Variants in UMODL1 observed in about 807,000 individuals in gnomAD.
UMODL1 encodes the protein uromodulin like 1, also known as uromodulin-like 1.
Under a neutral mutation model 136.3 loss-of-function variants are expected in UMODL1, and 128 were observed. That is an observed-to-expected ratio of 0.94 (90% CI 0.81 to 1.09). The LOEUF (loss-of-function observed/expected upper bound fraction) is 1.09, where lower values mean the gene tolerates loss of function less well. Ranked by LOEUF, UMODL1 falls within the 50% of genes least tolerant of loss-of-function variation. The pLI is 0.00. For missense variants in UMODL1, 1,766 were observed against 1,725.6 expected (o/e 1.02, Z -0.41); for synonymous variants, 721 against 720.0 (o/e 1.00, Z -0.02).
At chr21:42,104,181 A>G (rs2066681417) in intron 9 of UMODL1, 94 bp downstream of exon 9, 1 of 1,317,696 alleles carries the variant, frequency 7.6e-7, no homozygotes, top group African/African-American at 1.5e-5. Flanking sequence ...TTTATTTCAA[A>G]GGGTAAAGAA....
chr21:42,106,403 G>C (rs901562176), intron 9 of UMODL1, among the ~76,000 whole-genome samples: 11 of 152,254 alleles, frequency 7.2e-5, no homozygotes, highest in African/African-American at 2.4e-4. Context: ...GGTCCACCTA[G>C]AAATAATGTT....
chr21:42,096,321 G>A (rs1235593939), intron 6 of UMODL1, among the ~76,000 whole-genome samples: 1 of 152,114 alleles, frequency 6.6e-6, no homozygotes, highest in African/African-American at 2.4e-5. Context: ...AGTCACTGAC[G>A]GCAGCTTCTG....
At chr21:42,090,204 G>C in intron 5 of UMODL1, 94 bp from the exon 6 acceptor site, 1 of 1,547,286 alleles carries the variant, frequency 6.5e-7, no homozygotes, top group South Asian at 1.2e-5. Context: ...CAAATCCGTG[G>C]CACGAGTCCA....
upstream of UMODL1, among the ~76,000 whole-genome samples, chr21:42,068,966 G>A (rs1211705552): frequency 6.6e-6 from 1 of 152,186 alleles, no homozygotes; most frequent in Non-Finnish European, 1.5e-5. The surrounding 1 kb of genome is among the most constrained non-coding windows in gnomAD (Gnocchi z 5.5). Flanking sequence ...GCTGTGTGGG[G>A]GATGCTGGCC....
rs568277251 is a variant in UMODL1 at position 42,142,284 on chromosome 21, C to T, written c.*210C>T. 78 of 152,434 alleles carry T rather than the reference C, an allele frequency of 5.1e-4. No individual in the cohort carries two copies. The highest frequency in any genetic ancestry group is 1.8e-3 in the African/African-American group (73 of 41,582). The allele number at this position is 152,434 out of a possible 1,614,324, so 9.4% of individuals were successfully genotyped here. ...GCCCAGAAAGGAAGACAGCAGCCACCGTCTGTCCCGAAGAGGCAGGCCGTC... is the reference window on the plus strand; with the variant it reads ...GCCCAGAAAGGAAGACAGCAGCCACTGTCTGTCCCGAAGAGGCAGGCCGTC... On this transcript the variant is annotated 3_prime_UTR_variant, in exon 23 of 23. Coordinates refer to ENST00000408910, the MANE Select transcript of UMODL1 (RefSeq NM_001004416.3).
upstream of UMODL1, among the ~76,000 whole-genome samples, chr21:42,068,632 G>A (rs536556272): frequency 1.3e-5 from 2 of 152,290 alleles, no homozygotes; most frequent in Admixed American, 6.5e-5. This position sits in a 1 kb window ranked among gnomAD's most constrained non-coding sequence, Gnocchi z 5.5. Flanking sequence ...CCCGGCAGCC[G>A]TTACCATGCA....
chr21:42,126,166 C>CCG (rs2067050207), intron 17 of UMODL1, among the ~76,000 whole-genome samples, 179 bp from the exon 18 acceptor site: 1 of 152,172 alleles, frequency 6.6e-6, no homozygotes, highest in Non-Finnish European at 1.5e-5. Flanking sequence ...TGAGCAGAGG[C>CCG]CGAGCCCTTA....
At chr21:42,098,468 G>A (rs1601210180) in intron 6 of UMODL1, among the ~76,000 whole-genome samples, 1 of 150,400 alleles carries the variant, frequency 6.6e-6, no homozygotes, top group South Asian at 2.1e-4. Context: ...TTTATTATTG[G>A]AAAAAAAAAC....
Position 42,111,044 on chromosome 21 carries a change from G to A in UMODL1, c.1822G>A (p.Glu608Lys), listed in dbSNP as rs1270344715. 6.2e-7 allele frequency: 1 copy of A among 1,613,438 alleles called. No individual in the cohort carries two copies. The highest frequency in any genetic ancestry group is 2.2e-5 in the East Asian group (1 of 44,872). Residue 608 changes from glutamate to lysine, a missense_variant, in exon 11 of 23, where the codon GAG becomes AAG. By Grantham distance (56) the Glu-to-Lys change is moderately conservative. Coordinates refer to ENST00000408910, the MANE Select transcript of UMODL1 (RefSeq NM_001004416.3). ...GGCAGCAGGCCAGGCCTGGACCCCAGAGCCCTCACCCAGAAGAGGGGGCAG... is the reference window on the plus strand; with the variant it reads ...GGCAGCAGGCCAGGCCTGGACCCCAAAGCCCTCACCCAGAAGAGGGGGCAG... ...TPAAGQAWTP[E>K]PSPRRGGSNV...
intron 22 of UMODL1, among the ~76,000 whole-genome samples, chr21:42,137,881 T>C (rs191070823): frequency 1.5e-3 from 231 of 151,640 alleles, no homozygotes; most frequent in African/African-American, 5.1e-3. Flanking sequence ...CCAGCAGGAT[T>C]CAGCCAAGGG....
rs1303551215 is a variant in UMODL1, at chr21:42,071,338, G to A, written c.22G>A (p.Ala8Thr). 1.3e-6 allele frequency: 2 copies of A among 1,595,896 alleles called. No individual in the cohort carries two copies. The highest frequency in any genetic ancestry group is 3.5e-5 in the Admixed American group (2 of 57,518). MLRTSGL[A>T]LLALVSAVGP... ...GACGATGCTCAGGACCTCGGGGCTGGCACTGCTGGCTCTGGTCAGTGCTGT... is the reference window on the plus strand; with the variant it reads ...GACGATGCTCAGGACCTCGGGGCTGACACTGCTGGCTCTGGTCAGTGCTGT... Residue 8 changes from alanine (A) to threonine (T), a missense_variant, in exon 1 of 23, where the codon GCA (alanine) becomes ACA (threonine). Coordinates refer to ENST00000408910, the MANE Select transcript of UMODL1 (RefSeq NM_001004416.3).
chr21:42,075,000 C>G (rs889303623), intron 1 of UMODL1, among the ~76,000 whole-genome samples: 1 of 152,010 alleles, frequency 6.6e-6, no homozygotes, highest in African/African-American at 2.4e-5. Flanking sequence ...CTCCTGGGTT[C>G]ACGCCATTCT....
At chr21:42,133,095 T>C (rs1033759752) in intron 21 of UMODL1, among the ~76,000 whole-genome samples, 8 of 152,378 alleles carry the variant, frequency 5.3e-5, no homozygotes, top group Middle Eastern at 3.4e-3. Flanking sequence ...GTTTGATCTA[T>C]GACTATCATA....
chr21:42,076,644 C>T (rs1386318906), intron 2 of UMODL1, among the ~76,000 whole-genome samples: 1 of 152,214 alleles, frequency 6.6e-6, no homozygotes, highest in Non-Finnish European at 1.5e-5. Context: ...GTTTTCAAAG[C>T]TCCCAGAGTG....
chr21:42,076,334 C>G (rs1032015411), intron 2 of UMODL1, 87 bp downstream of exon 2: 3 of 1,573,696 alleles, frequency 1.9e-6, no homozygotes, highest in Admixed American at 3.4e-5. Flanking sequence ...TCCATTGGCC[C>G]CGAACTTGCT....
At chr21:42,103,373 C>A in intron 8 of UMODL1, 1 of 294,638 alleles carries the variant, frequency 3.4e-6, no homozygotes, top group Non-Finnish European at 6.8e-6. Flanking sequence ...AGGCAGGGAA[C>A]CAGGCTGGTA....
rs775386092 is a variant in UMODL1 at position 42,122,861 on chromosome 21, C to A, written c.2858C>A (p.Thr953Asn). 1 of 1,602,630 alleles carries A rather than the reference C, an allele frequency of 6.2e-7. No individual in the cohort carries two copies. Among genetic ancestry groups the A allele is most frequent in the Non-Finnish European group, 8.5e-7 (1 of 1,171,786 alleles). ...GDSPGNETWA[T>N]SPERPLTTAG... ...TCTCCTGGCAATGAAACCTGGGCCA[C>A]CAGCCCAGAGAGGCCTCTCACCACA... Residue 953 changes from threonine (T) to asparagine (N), a missense_variant, in exon 17 of 23, where the codon ACC becomes AAC. Thr to Asn is a moderately conservative substitution (Grantham distance 65). Transcript: ENST00000408910. The surrounding 1 kb of genome is among the most constrained non-coding windows in gnomAD (Gnocchi z 4.3).
intron 3 of UMODL1, 54 bp downstream of exon 3, chr21:42,084,299 A>G: frequency 2.5e-6 from 4 of 1,583,754 alleles, no homozygotes; most frequent in Non-Finnish European, 3.4e-6. Flanking sequence ...GGTCTCGGTG[A>G]GGCCTGATCT....
chr21:42,070,919 C>T (rs777949431), upstream of UMODL1, among the ~76,000 whole-genome samples: 7 of 152,288 alleles, frequency 4.6e-5, no homozygotes, highest in Admixed American at 6.5e-5. Context: ...CAGTTCAGAA[C>T]GATAGGGTAA....
Sources: gnomAD v4.1 joint callset for allele counts (sites outside exome capture counted in the v4.1 genomes callset) on GRCh38, gnomAD v4.1.1 for gene constraint, Gnocchi (gnomAD v3.1) non-coding constraint, MANE v1.5 for transcripts, NCBI Gene and HGNC (gene_info 2026-07-23, HGNC 2026-07-21) for gene names.